LRRC38: variants seen among roughly 807,000 people sequenced by gnomAD.
LRRC38 encodes the protein leucine-rich repeat-containing protein 38.
In LRRC38, 5 loss-of-function variants were observed where a neutral mutation model predicts 16.4. The observed-to-expected ratio is 0.31, with a 90% confidence interval of 0.16 to 0.64. LRRC38 has a LOEUF of 0.64. Ranked by LOEUF, LRRC38 falls within the 30% of genes least tolerant of loss-of-function variation. The pLI, the probability that LRRC38 is intolerant of heterozygous loss-of-function variation, is 0.80. For synonymous variants in LRRC38, 191 were observed against 190.2 expected, an observed-to-expected ratio of 1.00 and a Z score of -0.04; for missense variants, 341 against 401.8, an observed-to-expected ratio of 0.85 and a Z score of 1.29.
intron 1 of LRRC38, among the ~76,000 whole-genome samples, chr1:13,498,254 A>AAAAC (rs1557502121): frequency 1.5e-5 from 2 of 130,154 alleles, no homozygotes; most frequent in African/African-American, 5.0e-5. Flanking sequence ...CAAAACAAAA[A>AAAAC]AAAAAAGAGC....
At chr1:13,494,651 C>A (rs1639060683) in intron 1 of LRRC38, among the ~76,000 whole-genome samples, 1 of 152,154 alleles carries the variant, frequency 6.6e-6, no homozygotes, top group African/African-American at 2.4e-5. Context: ...ATGTATCTAT[C>A]CCCTTCTAAG....
intron 1 of LRRC38, among the ~76,000 whole-genome samples, chr1:13,493,565 T>C (rs1002616431): frequency 3.3e-5 from 5 of 152,152 alleles, no homozygotes; most frequent in Admixed American, 2.0e-4. Context: ...ATAAAGGTTC[T>C]TGGGATGGGG....
At chr1:13,503,489 G>C (rs896614412) in intron 1 of LRRC38, among the ~76,000 whole-genome samples, 1 of 152,084 alleles carries the variant, frequency 6.6e-6, no homozygotes, top group African/African-American at 2.4e-5. Context: ...GGCTGGTCTC[G>C]ATCTGCTGAC....
At chr1:13,477,362 C>T (rs1403809817) in intron 1 of LRRC38, among the ~76,000 whole-genome samples, 1 of 152,102 alleles carries the variant, frequency 6.6e-6, no homozygotes, top group Non-Finnish European at 1.5e-5. Context: ...ACATTTTAGA[C>T]AATAAATGAA....
At chr1:13,477,456 A>C (rs1480597291) in intron 1 of LRRC38, among the ~76,000 whole-genome samples, 1 of 152,180 alleles carries the variant, frequency 6.6e-6, no homozygotes, top group Admixed American at 6.5e-5. Flanking sequence ...TGTCTTTAAC[A>C]GGGGTGGTCA....
Position 13,475,740 on chromosome 1 carries a change from T to TCA in LRRC38, c.*104_*105dup. On this transcript the variant is annotated 3_prime_UTR_variant, in exon 2 of 2. Transcript: ENST00000376085. This position sits in a 1 kb window ranked among gnomAD's most constrained non-coding sequence, Gnocchi z 4.3. ...AGACACGGAACAGGCTCTGTTCAGT[T>TCA]CACAGATGGTGGCCAGTGCTTTTCC... is the stretch of plus-strand genomic sequence containing the variant. 7.0e-7 allele frequency: 1 copy of TCA among 1,420,430 alleles called. No homozygotes were observed. The allele number at this position is 1,420,430 out of a possible 1,614,324, so 88.0% of individuals were successfully genotyped here.
At chr1:13,499,224 G>A (rs59768501) in intron 1 of LRRC38, among the ~76,000 whole-genome samples, 6 of 151,874 alleles carry the variant, frequency 4.0e-5, no homozygotes, top group African/African-American at 7.3e-5. Flanking sequence ...TCCATCTCCC[G>A]AGTAGCTGGG....
intron 1 of LRRC38, among the ~76,000 whole-genome samples, chr1:13,499,799 C>T (rs994873836): frequency 6.6e-6 from 1 of 152,074 alleles, no homozygotes; most frequent in South Asian, 2.1e-4. Context: ...GACCACAGTG[C>T]GACCCACGGG....
At chr1:13,509,876 A>C (rs942767293) in intron 1 of LRRC38, among the ~76,000 whole-genome samples, 1 of 152,164 alleles carries the variant, frequency 6.6e-6, no homozygotes, top group African/African-American at 2.4e-5. Flanking sequence ...AGCCCCATGC[A>C]CAGGAATCCC....
intron 1 of LRRC38, among the ~76,000 whole-genome samples, chr1:13,477,104 CAAAA>C (rs1036010578): frequency 6.6e-6 from 1 of 150,454 alleles, no homozygotes; most frequent in African/African-American, 2.4e-5. Flanking sequence ...GACTCCATCT[CAAAA>C]AAAAAGAATG....
At chr1:13,488,863 G>T (rs891685779) in intron 1 of LRRC38, among the ~76,000 whole-genome samples, 2 of 152,188 alleles carry the variant, frequency 1.3e-5, no homozygotes, top group South Asian at 2.1e-4. Context: ...TCGTGCGAAG[G>T]GGGGATTGGA....
At position 13,513,408 on chromosome 1, in the gene LRRC38, C is replaced by T. The variant is rs1639300541; in HGVS notation, c.186G>A (p.Leu62=). The change falls in exon 1 of 2, where the codon CTG becomes CTA. Residue 62 remains leucine (L), a synonymous_variant. Coordinates refer to ENST00000376085, the MANE Select transcript of LRRC38 (RefSeq NM_001010847.2). ...TCCGCTGGATGCGGTTGCCGGCCAC[C>T]AGCAGCTTGCGCACGTCCAGGGGGA... ...DPFPLDVRKL[L]VAGNRIQRIP... The T allele has an allele frequency of 6.4e-7, 1 of 1,550,514 alleles. No homozygotes were observed. Among genetic ancestry groups the T allele is most frequent in the Non-Finnish European group, 8.7e-7 (1 of 1,146,914 alleles).
chr1:13,512,630 G>A (rs2990681), intron 1 of LRRC38, among the ~76,000 whole-genome samples: 88,831 of 151,716 alleles, frequency 0.59, 27,364 homozygotes, highest in Middle Eastern at 0.7. Context: ...CGCTTACCAG[G>A]GACGCATAAG....
At chr1:13,477,054 G>A (rs368395247) in intron 1 of LRRC38, among the ~76,000 whole-genome samples, 142 of 152,210 alleles carry the variant, frequency 9.3e-4, no homozygotes, top group African/African-American at 3.2e-3. Context: ...GCAGTGAGCT[G>A]AGATCGCCCC....
At chr1:13,481,586 G>A (rs192270982) in intron 1 of LRRC38, among the ~76,000 whole-genome samples, 50 of 151,212 alleles carry the variant, frequency 3.3e-4, no homozygotes, top group East Asian at 1.4e-3. Flanking sequence ...TAGTAGAGAC[G>A]GGGTTTCACC....
At chr1:13,479,274 C>A (rs76526918) in intron 1 of LRRC38, among the ~76,000 whole-genome samples, 5,076 of 152,136 alleles carry the variant, frequency 0.033, 281 homozygotes, top group African/African-American at 0.12. Flanking sequence ...AAGATGGACA[C>A]CAACAGACTG....
chr1:13,509,595 G>A (rs1225418610), intron 1 of LRRC38, among the ~76,000 whole-genome samples: 2 of 152,104 alleles, frequency 1.3e-5, no homozygotes, highest in East Asian at 3.9e-4. Context: ...CAAGAGCTCT[G>A]CCCTCCCTAA....
intron 1 of LRRC38, among the ~76,000 whole-genome samples, chr1:13,493,215 C>G (rs1237529827): frequency 6.6e-6 from 1 of 152,080 alleles, no homozygotes; most frequent in African/African-American, 2.4e-5. Flanking sequence ...CCAGGGAAGA[C>G]CCAGGTTCCC....
intron 1 of LRRC38, among the ~76,000 whole-genome samples, chr1:13,503,994 G>A (rs1458519378): frequency 6.6e-6 from 1 of 152,232 alleles, no homozygotes; most frequent in Non-Finnish European, 1.5e-5. Flanking sequence ...AGGATGCGCT[G>A]TCTCAGATAC....
Sources: gnomAD v4.1 joint callset for allele counts (sites outside exome capture counted in the v4.1 genomes callset) on GRCh38, gnomAD v4.1.1 for gene constraint, Gnocchi (gnomAD v3.1) non-coding constraint, MANE v1.5 for transcripts, NCBI Gene and HGNC (gene_info 2026-07-23, HGNC 2026-07-21) for gene names.